The following GRIA4 variants were observed in gnomAD, a reference collection of about 807,000 sequenced individuals.
GRIA4 encodes the protein glutamate ionotropic receptor AMPA type subunit 4, also known as glutamate receptor 4.
GRIA4 carries 34 observed loss-of-function variants against 104.0 expected under a neutral mutation model. That is an observed-to-expected ratio of 0.33 (90% CI 0.25 to 0.44). The LOEUF (loss-of-function observed/expected upper bound fraction) is 0.44, where lower values mean the gene tolerates loss of function less well. Ranked by LOEUF, GRIA4 falls within the 20% of genes least tolerant of loss-of-function variation. The pLI is 1.00. For synonymous variants in GRIA4, 386 were observed against 381.9 expected (o/e 1.01, Z -0.13); for missense variants, 750 against 1,096.5 (o/e 0.68, Z 4.46).
intron 4 of GRIA4, among the ~76,000 whole-genome samples, chr11:105,824,234 C>T (rs1418628586): frequency 2.6e-5 from 4 of 152,110 alleles, no homozygotes. Flanking sequence ...TTAAGAACAT[C>T]CCACAGCCTC....
At chr11:105,660,718 G>T (rs562031955) in intron 3 of GRIA4, among the ~76,000 whole-genome samples, 1 of 151,264 alleles carries the variant, frequency 6.6e-6, no homozygotes, top group African/African-American at 2.4e-5. Context: ...GGGATGGGGG[G>T]AATCGACTAT....
intron 3 of GRIA4, among the ~76,000 whole-genome samples, chr11:105,744,907 T>C (rs1022564162): frequency 5.3e-5 from 8 of 152,210 alleles, no homozygotes; most frequent in African/African-American, 1.7e-4. Flanking sequence ...TAGTTTTTAT[T>C]GATTCCTTCA....
Position 105,723,069 on chromosome 11 carries a change from C to T in GRIA4, c.248-29912C>T, listed in dbSNP as rs114175628. Among the ~76,000 whole-genome samples the T allele has an allele frequency of 3.5e-3, 535 of 151,918 alleles. 3 individuals carry two copies. Among genetic ancestry groups the T allele is most frequent in the African/African-American group, 0.012 (509 of 41,450 alleles). ...AACACAACTGGACCTTGGGACTTGC[C>T]GATGGGTAAAGTTGAAGAAGTAGAC... On this transcript the variant is annotated intron_variant, in intron 3 of 16. Transcript: ENST00000282499.
intron 3 of GRIA4, among the ~76,000 whole-genome samples, chr11:105,690,266 T>A (rs544294208): frequency 6.6e-6 from 1 of 152,340 alleles, no homozygotes; most frequent in Admixed American, 6.5e-5. Flanking sequence ...AAGTTTACTC[T>A]TACCTTTCCC....
At chr11:105,917,063 C>A (rs1465754957) in intron 10 of GRIA4, among the ~76,000 whole-genome samples, 1 of 152,120 alleles carries the variant, frequency 6.6e-6, no homozygotes, top group African/African-American at 2.4e-5. Flanking sequence ...TTTATAACCA[C>A]AATTCACCAA....
chr11:105,702,234 G>A (rs996946348), intron 3 of GRIA4, among the ~76,000 whole-genome samples: 2 of 151,592 alleles, frequency 1.3e-5, no homozygotes, highest in Admixed American at 1.3e-4. Flanking sequence ...CCTAGTTGTT[G>A]AAGAGAAGCT....
At chr11:105,808,606 A>G (rs746424608) in intron 4 of GRIA4, among the ~76,000 whole-genome samples, 15 of 152,108 alleles carry the variant, frequency 9.9e-5, no homozygotes, top group Admixed American at 4.6e-4. Context: ...ATATACAGAC[A>G]GATCAGATCC....
intron 3 of GRIA4, among the ~76,000 whole-genome samples, chr11:105,620,227 C>T (rs1950706827): frequency 6.6e-6 from 1 of 151,832 alleles, no homozygotes; most frequent in Non-Finnish European, 1.5e-5. Context: ...ACTCCTTGTT[C>T]TTTGAAACTC....
intron 14 of GRIA4, among the ~76,000 whole-genome samples, chr11:105,939,473 C>T (rs1466164892): frequency 1.2e-4 from 18 of 152,132 alleles, no homozygotes; most frequent in Admixed American, 1.2e-3. Flanking sequence ...ACGAAGCTTC[C>T]GTGCTATTCC....
At chr11:105,766,700 T>C (rs1316243712) in intron 4 of GRIA4, among the ~76,000 whole-genome samples, 1 of 152,118 alleles carries the variant, frequency 6.6e-6, no homozygotes, top group Non-Finnish European at 1.5e-5. Context: ...ACCATCAAAT[T>C]ACCCCTCTGC....
intron 4 of GRIA4, among the ~76,000 whole-genome samples, chr11:105,850,261 T>G (rs1339260113): frequency 6.6e-6 from 1 of 152,228 alleles, no homozygotes; most frequent in Non-Finnish European, 1.5e-5. Context: ...TTGCATTCAT[T>G]ATAATTCTCA....
Position 105,711,285 on chromosome 11 carries a change from G to GCATAT in GRIA4, c.248-41696_248-41695insCATAT, listed in dbSNP as rs1953900201. Among the ~76,000 whole-genome samples, 4 of 151,854 alleles carry GCATAT rather than the reference G, an allele frequency of 2.6e-5. No homozygotes were observed. In the South Asian group the frequency reaches 6.2e-4, roughly 24 times the overall value. ...GTTCAGTTCCCACCTATGAGTCGGG[G>GCATAT]GAGAGGGGAGGGATAGCATTAGGAG... On this transcript the variant is annotated intron_variant, in intron 3 of 16. Transcript: ENST00000282499.
intron 4 of GRIA4, among the ~76,000 whole-genome samples, chr11:105,818,222 G>A (rs1394291986): frequency 6.6e-6 from 1 of 152,078 alleles, no homozygotes; most frequent in Admixed American, 6.6e-5. Context: ...AGAAAAAGGT[G>A]ATGTTTGGTT....
chr11:105,959,617 A>C (rs1472856662), intron 14 of GRIA4, among the ~76,000 whole-genome samples: 1 of 152,106 alleles, frequency 6.6e-6, no homozygotes, highest in African/African-American at 2.4e-5. Context: ...TCTCTATCTG[A>C]TCTTCCATCC....
intron 3 of GRIA4, among the ~76,000 whole-genome samples, chr11:105,678,922 G>A (rs983688281): frequency 6.6e-6 from 1 of 152,022 alleles, no homozygotes; most frequent in African/African-American, 2.4e-5. Flanking sequence ...CCCTGGAAAA[G>A]GTTCCAAAAC....
At chr11:105,897,578 T>A (rs930770723) in intron 6 of GRIA4, among the ~76,000 whole-genome samples, 14 of 152,168 alleles carry the variant, frequency 9.2e-5, no homozygotes, top group African/African-American at 3.4e-4. Flanking sequence ...TTGAGATATG[T>A]TCTTTTGATG....
chr11:105,823,649 TATA>T (rs1360340251), intron 4 of GRIA4, among the ~76,000 whole-genome samples: 4 of 152,198 alleles, frequency 2.6e-5, no homozygotes, highest in Admixed American at 2.0e-4. Flanking sequence ...ATGAACAAAG[TATA>T]ATAAGATCTA....
At chr11:105,858,583 CTATCAAAGACTA>C (rs1385243945) in intron 4 of GRIA4, among the ~76,000 whole-genome samples, 1 of 152,084 alleles carries the variant, frequency 6.6e-6, no homozygotes, top group Non-Finnish European at 1.5e-5. Context: ...CCCTGTTGTG[CTATCAAAGACTA>C]TATCTTATTT....
intron 3 of GRIA4, among the ~76,000 whole-genome samples, chr11:105,670,274 T>C (rs56150661): frequency 1.3e-5 from 2 of 152,250 alleles, no homozygotes; most frequent in South Asian, 4.1e-4. Flanking sequence ...TATTTTAAGG[T>C]AGCTTAATTT....
Sources: gnomAD v4.1 joint callset for allele counts (sites outside exome capture counted in the v4.1 genomes callset) on GRCh38, gnomAD v4.1.1 for gene constraint, MANE v1.5 for transcripts, NCBI Gene and HGNC (gene_info 2026-07-23, HGNC 2026-07-21) for gene names.